CAMK1D: variants seen among roughly 807,000 people sequenced by gnomAD.
The protein encoded by CAMK1D is calcium/calmodulin-dependent protein kinase type 1D.
A neutral mutation model predicts 47.7 loss-of-function variants in CAMK1D; 9 were observed. That is an observed-to-expected ratio of 0.19 (90% CI 0.11 to 0.33). The LOEUF (loss-of-function observed/expected upper bound fraction) is 0.33. Among genes scored for constraint, CAMK1D ranks in the 10% least tolerant of loss-of-function variants. The pLI is 1.00. For missense variants in CAMK1D, 291 were observed against 488.7 expected (o/e 0.60, Z 3.81); for synonymous variants, 184 against 184.9 (o/e 0.99, Z 0.04).
At chr10:12,549,753 C>T (rs1427167269) in intron 1 of CAMK1D, among the ~76,000 whole-genome samples, 1 of 152,190 alleles carries the variant, frequency 6.6e-6, no homozygotes, top group Admixed American at 6.5e-5. Context: ...GCCACATAGC[C>T]CATCCCCACC....
chr10:12,579,742 C>T (rs1688299643), intron 2 of CAMK1D, among the ~76,000 whole-genome samples: 1 of 152,206 alleles, frequency 6.6e-6, no homozygotes, highest in African/African-American at 2.4e-5. Context: ...ACAATTGTCT[C>T]TCTGTGCTCT....
chr10:12,455,384 G>C (rs1309248224), intron 1 of CAMK1D, among the ~76,000 whole-genome samples: 1 of 152,152 alleles, frequency 6.6e-6, no homozygotes, highest in African/African-American at 2.4e-5. Flanking sequence ...ATGTGGCCCA[G>C]GCTGGTGTCA....
intron 1 of CAMK1D, among the ~76,000 whole-genome samples, chr10:12,514,086 A>G (rs1015306099): frequency 6.6e-6 from 1 of 152,178 alleles, no homozygotes; most frequent in South Asian, 2.1e-4. Context: ...CTGACTTGCT[A>G]TGATGAGGTA....
intron 3 of CAMK1D, among the ~76,000 whole-genome samples, chr10:12,751,056 GATAA>G (rs1835927172): frequency 3.4e-3 from 1 of 298 alleles, no homozygotes; most frequent in East Asian, 0.029. Flanking sequence ...CCCCCAATAA[GATAA>G]GATAAGATAA....
chr10:12,702,087 G>C (rs1833542068), intron 3 of CAMK1D, among the ~76,000 whole-genome samples: 1 of 152,202 alleles, frequency 6.6e-6, no homozygotes, highest in African/African-American at 2.4e-5. Flanking sequence ...ACAGGGCAGG[G>C]AGTGGGGGTG....
chr10:12,368,454 A>G (rs893422893), intron 1 of CAMK1D, among the ~76,000 whole-genome samples: 3 of 152,086 alleles, frequency 2.0e-5, no homozygotes, highest in Non-Finnish European at 4.4e-5. Flanking sequence ...GAAGGAAAGG[A>G]GCATAGGCTT....
chr10:12,656,266 G>T (rs1349386620), intron 2 of CAMK1D, among the ~76,000 whole-genome samples: 2 of 152,114 alleles, frequency 1.3e-5, no homozygotes, highest in South Asian at 2.1e-4. Context: ...GGAGGCCTGG[G>T]GTGCTATTAA....
At chr10:12,479,946 C>A (rs375530610) in intron 1 of CAMK1D, among the ~76,000 whole-genome samples, 6 of 152,138 alleles carry the variant, frequency 3.9e-5, no homozygotes, top group East Asian at 1.9e-4. Flanking sequence ...TTCTGCCCCC[C>A]CAAATGCCAC....
At chr10:12,372,001 C>G (rs1315782269) in intron 1 of CAMK1D, among the ~76,000 whole-genome samples, 1 of 152,116 alleles carries the variant, frequency 6.6e-6, no homozygotes, top group Non-Finnish European at 1.5e-5. Context: ...TTCACTGCAC[C>G]TTTTCCGTAT....
intron 3 of CAMK1D, among the ~76,000 whole-genome samples, chr10:12,741,118 T>A (rs996603746): frequency 1.3e-5 from 2 of 152,206 alleles, no homozygotes; most frequent in African/African-American, 4.8e-5. Context: ...CTTATCATCC[T>A]CCTGCCTCCA....
At chr10:12,747,252 G>C (rs1443172115) in intron 3 of CAMK1D, among the ~76,000 whole-genome samples, 1 of 152,044 alleles carries the variant, frequency 6.6e-6, no homozygotes, top group Non-Finnish European at 1.5e-5. Flanking sequence ...GAATGGTCTT[G>C]ATCTCCTGAC....
intron 2 of CAMK1D, among the ~76,000 whole-genome samples, chr10:12,660,555 C>G (rs1840246314): frequency 6.6e-6 from 1 of 152,190 alleles, no homozygotes; most frequent in African/African-American, 2.4e-5. Context: ...ACTATATGGA[C>G]AGAAGTCTGC....
rs1422215823 is a variant in CAMK1D, at chr10:12,835,374, G to A, written c.*6487G>A. 6.6e-6 allele frequency: 1 copy of A among 152,200 alleles called. No homozygotes were observed. The highest frequency in any genetic ancestry group is 1.5e-5 in the Non-Finnish European group (1 of 68,032). 9.4% of individuals were successfully genotyped at this position (152,200 alleles called of 1,614,324 possible). On this transcript the variant is annotated 3_prime_UTR_variant, in exon 11 of 11. Coordinates refer to ENST00000619168, the MANE Select transcript of CAMK1D (RefSeq NM_153498.4). ...TTATTCCATGCATGTAATAAACTCTGCAAGAAGTTTAACCCACATAGGTTT... is the reference window on the plus strand; with the variant it reads ...TTATTCCATGCATGTAATAAACTCTACAAGAAGTTTAACCCACATAGGTTT...
chr10:12,570,535 C>T (rs917732020), intron 2 of CAMK1D, among the ~76,000 whole-genome samples: 18 of 151,814 alleles, frequency 1.2e-4, no homozygotes, highest in Non-Finnish European at 2.4e-4. Context: ...CAAAAATTAG[C>T]TGGGCGTGGT....
chr10:12,421,511 C>CTTTTTTTTTT lies in CAMK1D; in HGVS notation c.92+71624_92+71633dup, dbSNP rs71384322. ...CATGCTGGGCCATTTATCCAGGATT[C>CTTTTTTTTTT]TTTTTTTTTTTTTTTTTTTTTTTTT... is the stretch of plus-strand genomic sequence containing the variant. On this transcript the variant is annotated intron_variant, in intron 1 of 10. Transcript: ENST00000619168. Among the ~76,000 whole-genome samples, 16 of 50,750 alleles carry CTTTTTTTTTT rather than the reference C, an allele frequency of 3.2e-4. 3 individuals are homozygous for CTTTTTTTTTT. The highest frequency in any genetic ancestry group is 4.2e-4 in the African/African-American group (5 of 11,814). 33.3% of individuals were successfully genotyped at this position (50,750 alleles called of 152,430 possible).
At position 12,631,604 on chromosome 10, in the gene CAMK1D, G is replaced by A. The variant is rs140080642; in HGVS notation, c.225-35132G>A. 1.4e-3 allele frequency among the ~76,000 whole-genome samples: 212 copies of A among 152,154 alleles called. 4 individuals carry two copies. In the East Asian group the frequency reaches 0.031, roughly 22 times the overall value. Reference sequence around the variant, plus strand: ...TGTCTCCTTTGTTCAGTGTGCTCTCGTGGCTGGACAGCTATTGAGTAGCAC... The same window carrying A: ...TGTCTCCTTTGTTCAGTGTGCTCTCATGGCTGGACAGCTATTGAGTAGCAC... On this transcript the variant is annotated intron_variant, in intron 2 of 10. Transcript: ENST00000619168.
chr10:12,495,627 A>G (rs1258046680), intron 1 of CAMK1D, among the ~76,000 whole-genome samples: 1 of 152,220 alleles, frequency 6.6e-6, no homozygotes, highest in Non-Finnish European at 1.5e-5. Context: ...TCCTTTGGAA[A>G]GTTGAGGAAT....
chr10:12,827,863 AT>A (rs1166292507), intron 10 of CAMK1D, among the ~76,000 whole-genome samples: 1 of 151,864 alleles, frequency 6.6e-6, no homozygotes, highest in Non-Finnish European at 1.5e-5. Context: ...TAATTTTTGT[AT>A]TTTTTGTAGA....
chr10:12,714,401 A>T (rs1032378300), intron 3 of CAMK1D, among the ~76,000 whole-genome samples: 1 of 151,768 alleles, frequency 6.6e-6, no homozygotes, highest in African/African-American at 2.4e-5. Flanking sequence ...ATTTTAAAAT[A>T]AAAAGTATAT....
Sources: gnomAD v4.1 joint callset for allele counts (sites outside exome capture counted in the v4.1 genomes callset) on GRCh38, gnomAD v4.1.1 for gene constraint, MANE v1.5 for transcripts, NCBI Gene and HGNC (gene_info 2026-07-23, HGNC 2026-07-21) for gene names.